SELP: variants seen among roughly 807,000 people sequenced by gnomAD.
SELP encodes the protein P-selectin.
Under a neutral mutation model 104.1 loss-of-function variants are expected in SELP, and 92 were observed. The ratio of observed to expected loss-of-function variants is 0.88; its 90% CI spans 0.75 to 1.05. SELP has a LOEUF of 1.05. SELP is among the 50% of genes least tolerant of loss of function. The probability of loss-of-function intolerance (pLI) is 0.00; values close to 1 mark genes in which losing one functional copy is unlikely to be tolerated. For missense variants in SELP, 1,022 were observed against 1,017.3 expected (o/e 1.00, Z -0.06); for synonymous variants, 397 against 364.5 (o/e 1.09, Z -1.01).
intron 3 of SELP, among the ~76,000 whole-genome samples, chr1:169,614,500 T>C (rs1662713735): frequency 6.6e-6 from 1 of 152,188 alleles, no homozygotes; most frequent in African/African-American, 2.4e-5. Flanking sequence ...GTATTAGAAT[T>C]GATACTTTCA....
At chr1:169,622,693 CAT>C (rs558709271) in intron 1 of SELP, among the ~76,000 whole-genome samples, 7 of 152,098 alleles carry the variant, frequency 4.6e-5, no homozygotes, top group Non-Finnish European at 8.8e-5. Flanking sequence ...CATTTTAACA[CAT>C]AGAGACTTAC....
At position 169,611,623 on chromosome 1, in the gene SELP, T is replaced by A; in HGVS notation, c.1016A>T (p.His339Leu). Residue 339 changes from histidine to leucine, a missense_variant, in exon 7 of 17, where the codon CAT becomes CTT. His to Leu is a moderately conservative substitution (Grantham distance 99, BLOSUM62 -3). Transcript: ENST00000263686. ...GCCATAGGCAAAAGCAGTGAGCGGA[T>A]GAACACAGTCCATGGTTCCTTCACT... is the stretch of plus-strand genomic sequence containing the variant. Reference protein sequence around the residue: ...APSEGTMDCVHPLTAFAYGSS... With the variant: ...APSEGTMDCVLPLTAFAYGSS... 6.2e-7 allele frequency: 1 copy of A among 1,614,140 alleles called. No individual in the cohort carries two copies. The highest frequency in any genetic ancestry group is 8.5e-7 in the Non-Finnish European group (1 of 1,180,010).
chr1:169,596,756 A>C (rs2101871861), intron 11 of SELP, among the ~76,000 whole-genome samples: 1 of 152,318 alleles, frequency 6.6e-6, no homozygotes, highest in Non-Finnish European at 1.5e-5. Flanking sequence ...AAGCTCTTTC[A>C]AAAAAAGAAG....
chr1:169,627,527 C>T (rs765721401), intron 1 of SELP, among the ~76,000 whole-genome samples: 9 of 152,150 alleles, frequency 5.9e-5, no homozygotes, highest in Non-Finnish European at 1.0e-4. Context: ...CTGTATTTGA[C>T]TTCATGAAGT....
chr1:169,627,290 T>C (rs1313730887), intron 1 of SELP, among the ~76,000 whole-genome samples: 1 of 152,068 alleles, frequency 6.6e-6, no homozygotes, highest in Non-Finnish European at 1.5e-5. Flanking sequence ...AGAAATACAG[T>C]GAGAAAAGAG....
intron 13 of SELP, 103 bp downstream of exon 13, chr1:169,594,589 G>A (rs1478824528): frequency 2.5e-5 from 28 of 1,124,046 alleles, no homozygotes; most frequent in South Asian, 3.0e-5. Context: ...GGGGAAACCC[G>A]GGGATGGAAA....
At chr1:169,596,186 T>C (rs1338200261) in intron 11 of SELP, 52 bp from the exon 12 acceptor site, 3 of 1,530,422 alleles carry the variant, frequency 2.0e-6, no homozygotes, top group Middle Eastern at 1.7e-4. Context: ...AAAGAAGCGT[T>C]AACAGAGTTA....
At chr1:169,622,657 C>A (rs3917678) in intron 1 of SELP, among the ~76,000 whole-genome samples, 28,157 of 152,138 alleles carry the variant, frequency 0.19, 3,430 homozygotes, top group Middle Eastern at 0.29. Context: ...AAGTAGTTGT[C>A]ATGCTAACTC....
At chr1:169,613,506 G>A (rs1456536877) in intron 4 of SELP, 80 bp downstream of exon 4, 24 of 1,078,872 alleles carry the variant, frequency 2.2e-5, no homozygotes, top group Non-Finnish European at 3.3e-5. Context: ...TCACTGGAGA[G>A]ACTTCAACAT....
chr1:169,595,467 A>G (rs1230026310), intron 12 of SELP, among the ~76,000 whole-genome samples: 1 of 152,232 alleles, frequency 6.6e-6, no homozygotes, highest in African/African-American at 2.4e-5. Flanking sequence ...GGGGGATACA[A>G]AAATGAAAGA....
At chr1:169,591,359 C>A in intron 15 of SELP, 67 bp downstream of exon 15, 1 of 1,040,616 alleles carries the variant, frequency 9.6e-7, no homozygotes, top group Non-Finnish European at 1.4e-6. Context: ...ATCATTCTGA[C>A]ATATTACAGT....
At chr1:169,617,447 A>G (rs1557969594) in intron 2 of SELP, 33 bp from the exon 3 acceptor site, 1 of 1,590,158 alleles carries the variant, frequency 6.3e-7, no homozygotes, top group East Asian at 2.2e-5. Context: ...CCAGGTTAGT[A>G]CCCCTCACCA....
intron 3 of SELP, among the ~76,000 whole-genome samples, chr1:169,613,971 C>G (rs1216425450): frequency 6.7e-6 from 1 of 150,302 alleles, no homozygotes; most frequent in African/African-American, 2.5e-5. Context: ...GAGCCAATGA[C>G]AGATGTGTGG....
rs760737590 is a variant in SELP, at chr1:169,597,069, C to T, written c.1813G>A (p.Gly605Ser). 1.2e-5 allele frequency: 19 copies of T among 1,613,228 alleles called. No homozygotes were observed. The highest frequency in any genetic ancestry group is 4.5e-5 in the East Asian group (2 of 44,880). The part of the protein sequence containing the change: ...GSTCHFSCDN[G>S]FKLEGPNNVE... ...TTATTGGGCCCCTCCAGCTTAAAGC[C>T]GTTGTCACAAGAGAAATGGCAGGTG... The change falls in exon 11 of 17, where the codon GGC becomes AGC. Residue 605 changes from glycine to serine, a missense_variant. By Grantham distance (56) the Gly-to-Ser change is moderately conservative. Coordinates refer to ENST00000263686, the MANE Select transcript of SELP (RefSeq NM_003005.4).
intron 1 of SELP, among the ~76,000 whole-genome samples, chr1:169,628,192 G>A (rs1018260700): frequency 3.3e-5 from 5 of 152,144 alleles, no homozygotes; most frequent in African/African-American, 1.2e-4. Flanking sequence ...CACTGAGCCC[G>A]GCCATAGCCC....
rs1392377496 is a variant in SELP, at chr1:169,617,308, T to G, written c.201A>C (p.Leu67Phe). 1 of 1,614,050 alleles carries G rather than the reference T, an allele frequency of 6.2e-7. No individual in the cohort carries two copies. Among genetic ancestry groups the G allele is most frequent in the East Asian group, 2.2e-5 (1 of 44,902 alleles). ...RKYCQNRYTDLVAIQNKNEID... is the reference protein window; with the variant it reads ...RKYCQNRYTDFVAIQNKNEID... ...TTTCATTTTTATTCTGGATGGCCAC[T>G]AAGTCTGTGTAGCGATTCTGGCAGT... Residue 67 changes from leucine (L) to phenylalanine (F), a missense_variant, in exon 3 of 17, where the codon TTA becomes TTC. Transcript: ENST00000263686.
chr1:169,628,594 G>T (rs1663490213), intron 1 of SELP, among the ~76,000 whole-genome samples: 1 of 152,126 alleles, frequency 6.6e-6, no homozygotes, highest in Non-Finnish European at 1.5e-5. Flanking sequence ...TGGAGGTCTG[G>T]GAACCTCCTG....
chr1:169,599,358 C>CAA (rs3035293), intron 10 of SELP, among the ~76,000 whole-genome samples: 28,840 of 143,128 alleles, frequency 0.2, 4,593 homozygotes, highest in African/African-American at 0.45. Context: ...AAAACTTTGG[C>CAA]AAAAAAAAAA....
chr1:169,610,417 C>A (rs1662462402), intron 7 of SELP, among the ~76,000 whole-genome samples: 1 of 152,116 alleles, frequency 6.6e-6, no homozygotes, highest in Admixed American at 6.5e-5. Context: ...CATTTCCAGG[C>A]TATTTCTGAA....
Sources: gnomAD v4.1 joint callset for allele counts (sites outside exome capture counted in the v4.1 genomes callset) on GRCh38, gnomAD v4.1.1 for gene constraint, MANE v1.5 for transcripts, NCBI Gene and HGNC (gene_info 2026-07-23, HGNC 2026-07-21) for gene names.